INPP5A: variants seen among roughly 807,000 people sequenced by gnomAD.
INPP5A encodes the protein 43 kDa inositol polyphosphate 5-phophatase.
Under a neutral mutation model 65.2 loss-of-function variants are expected in INPP5A, and 14 were observed. The observed-to-expected ratio is 0.21, with a 90% CI of 0.14 to 0.34. INPP5A has a LOEUF of 0.34. INPP5A is among the 10% of genes least tolerant of loss of function. The pLI is 1.00. For missense variants in INPP5A, 431 were observed against 545.6 expected (o/e 0.79, Z 2.09); for synonymous variants, 207 against 208.3 (o/e 0.99, Z 0.05).
intron 2 of INPP5A, among the ~76,000 whole-genome samples, chr10:132,609,963 T>G (rs190503429): frequency 2.0e-5 from 3 of 152,142 alleles, no homozygotes. Flanking sequence ...TTTTTCTTGG[T>G]TTATTTTATT....
intron 2 of INPP5A, among the ~76,000 whole-genome samples, chr10:132,620,755 G>T (rs1419648135): frequency 6.6e-6 from 1 of 151,976 alleles, no homozygotes; most frequent in African/African-American, 2.4e-5. Flanking sequence ...AACCCTCCCA[G>T]CCCAGATGGC....
chr10:132,586,375 G>C (rs1429360121), intron 1 of INPP5A, among the ~76,000 whole-genome samples: 1 of 152,248 alleles, frequency 6.6e-6, no homozygotes, highest in African/African-American at 2.4e-5. Flanking sequence ...TGGACCATGG[G>C]CGGGGCTGCC....
intron 6 of INPP5A, among the ~76,000 whole-genome samples, chr10:132,699,826 A>C (rs1312112853): frequency 6.6e-6 from 1 of 152,080 alleles, no homozygotes; most frequent in Non-Finnish European, 1.5e-5. Context: ...TCCTTCTTGC[A>C]CCCATGCCTC....
chr10:132,552,431 T>G (rs1423822280), intron 1 of INPP5A, among the ~76,000 whole-genome samples: 2 of 134,856 alleles, frequency 1.5e-5, no homozygotes, highest in Admixed American at 7.1e-5. Context: ...AGAGCCTTGG[T>G]GGCATATTGA....
chr10:132,761,457 A>T (rs977110535), intron 11 of INPP5A, among the ~76,000 whole-genome samples: 2 of 152,002 alleles, frequency 1.3e-5, no homozygotes, highest in African/African-American at 4.8e-5. Context: ...GGCAGGGGAC[A>T]GCATGGTGGG....
At chr10:132,688,641 ATGAG>A (rs575667121) in intron 4 of INPP5A, among the ~76,000 whole-genome samples, 15 of 149,932 alleles carry the variant, frequency 1.0e-4, no homozygotes, top group Non-Finnish European at 2.1e-4. Flanking sequence ...GTGCGTGTGC[ATGAG>A]TGTGTGTGCA....
chr10:132,564,194 CG>C lies in INPP5A; in HGVS notation c.75+26024del, dbSNP rs111551325. 3.0e-3 allele frequency among the ~76,000 whole-genome samples: 456 copies of C among 152,140 alleles called. 1 individual carries two copies. The highest frequency in any genetic ancestry group is 0.011 in the African/African-American group (443 of 41,500). On this transcript the variant is annotated intron_variant, in intron 1 of 15. Coordinates refer to ENST00000368594, the MANE Select transcript of INPP5A (RefSeq NM_005539.5). ...CTTGTTTGGGGAAATGTGGCGTGCG[CG>C]TTGTGGGTATGGCCACCGCCATCAG...
In INPP5A at chr10:132,645,853, C is replaced by T; in HGVS notation, c.118-15C>T. 1 of 1,600,614 alleles carries T rather than the reference C, an allele frequency of 6.2e-7. No individual in the cohort carries two copies. Among genetic ancestry groups the T allele is most frequent in the Non-Finnish European group, 8.5e-7 (1 of 1,169,908 alleles). ...CGGCTCCGACGACCCTGACAGTGTG[C>T]TTCTCTCCCTCCAGGTCGTGCACAC... On this transcript the variant is annotated splice_polypyrimidine_tract_variant and intron_variant, in intron 2 of 15. Transcript: ENST00000368594.
At chr10:132,553,869 G>A (rs1165162079) in intron 1 of INPP5A, among the ~76,000 whole-genome samples, 1 of 146,822 alleles carries the variant, frequency 6.8e-6, no homozygotes, top group African/African-American at 2.5e-5. Context: ...GAGCCTTGGT[G>A]GCATATTGGG....
chr10:132,717,352 G>C lies in INPP5A; in HGVS notation c.647+6896G>C, dbSNP rs1022085833. Among the ~76,000 whole-genome samples, 9 of 150,164 alleles carry C rather than the reference G, an allele frequency of 6.0e-5. 1 individual carries two copies. The highest frequency in any genetic ancestry group is 2.0e-4 in the African/African-American group (8 of 39,518). On this transcript the variant is annotated intron_variant, in intron 8 of 15. Transcript: ENST00000368594. ...CAGGGGGCCTTTGGGTGCGGCACTG[G>C]GGATCAGCGGGTTGGTCAAGGAGCT... is the stretch of plus-strand genomic sequence containing the variant.
chr10:132,674,892 G>A lies in INPP5A; in HGVS notation c.307-15500G>A, dbSNP rs753353443. ...TCACTCCAAAATCCTAGAGGCCTCC[G>A]CTGTGATTCACCTATGGGGACCTGC... On this transcript the variant is annotated intron_variant, in intron 4 of 15. Coordinates refer to ENST00000368594, the MANE Select transcript of INPP5A (RefSeq NM_005539.5). This position sits in a 1 kb window ranked among gnomAD's most constrained non-coding sequence, Gnocchi z 4.4. Among the ~76,000 whole-genome samples the A allele has an allele frequency of 2.6e-5, 4 of 152,276 alleles. No individual in the cohort carries two copies. The highest frequency in any genetic ancestry group is 4.8e-5 in the African/African-American group (2 of 41,558).
intron 13 of INPP5A, 132 bp downstream of exon 13, chr10:132,777,914 A>T: frequency 6.6e-7 from 1 of 1,504,090 alleles, no homozygotes; most frequent in Non-Finnish European, 8.9e-7. Flanking sequence ...TTGGGCCCTG[A>T]CCTCGTGCTG....
chr10:132,628,737 C>T (rs1437070778), intron 2 of INPP5A, among the ~76,000 whole-genome samples: 1 of 152,100 alleles, frequency 6.6e-6, no homozygotes, highest in Non-Finnish European at 1.5e-5. Context: ...TGAAAGAGAA[C>T]ATGTAAAATT....
Position 132,606,323 on chromosome 10 carries a change from C to T in INPP5A, c.76-1592C>T, listed in dbSNP as rs140294669. On this transcript the variant is annotated intron_variant, in intron 1 of 15. Coordinates refer to ENST00000368594, the MANE Select transcript of INPP5A (RefSeq NM_005539.5). Reference sequence around the variant, plus strand: ...GCGGCGTGGGTCAGTCGCCTCCCCTCCTGCCGGGTCCTCAGTGGCGGGACA... The same window carrying T: ...GCGGCGTGGGTCAGTCGCCTCCCCTTCTGCCGGGTCCTCAGTGGCGGGACA... Among the ~76,000 whole-genome samples, 1,138 of 147,140 alleles carry T rather than the reference C, an allele frequency of 7.7e-3. 15 individuals are homozygous for T. Among genetic ancestry groups the T allele is most frequent in the African/African-American group, 0.026 (1,047 of 40,900 alleles).
At chr10:132,695,249 T>C (rs1845327533) in intron 5 of INPP5A, among the ~76,000 whole-genome samples, 1 of 152,032 alleles carries the variant, frequency 6.6e-6, no homozygotes, top group Non-Finnish European at 1.5e-5. Flanking sequence ...GAAAATCACA[T>C]GATCATAGGA....
rs549478185 is a variant in INPP5A, at chr10:132,703,517, A to T, written c.475-4796A>T. 2.8e-3 allele frequency among the ~76,000 whole-genome samples: 381 copies of T among 134,836 alleles called. 2 individuals carry two copies. Among genetic ancestry groups the T allele is most frequent in the African/African-American group, 0.011 (370 of 35,200 alleles). The allele number at this position is 134,836 out of a possible 152,430, so 88.5% of individuals were successfully genotyped here. A position where few individuals can be genotyped will look rare whatever the true frequency, so the allele number is the denominator to read the frequency against. ...ACAGTGTCTTCACCCACACACACAC[A>T]CACACACTCACATTTACCCATACAC... On this transcript the variant is annotated intron_variant, in intron 6 of 15. Transcript: ENST00000368594.
chr10:132,769,026 A>T (rs1209975054), intron 12 of INPP5A, among the ~76,000 whole-genome samples: 2 of 152,186 alleles, frequency 1.3e-5, no homozygotes, highest in Non-Finnish European at 2.9e-5. Flanking sequence ...CAGCATTCCT[A>T]GCGCAGAGCT....
rs1397381046 is a variant in INPP5A, at chr10:132,590,753, C to T, written c.76-17162C>T. Among the ~76,000 whole-genome samples the T allele has an allele frequency of 4.6e-5, 7 of 152,216 alleles. No individual in the cohort carries two copies. In the East Asian group the frequency reaches 5.8e-4, roughly 13 times the overall value. ...CGTGAGTGTTTGAGTCTTTTCATCTCGGCCCCTGCTTTGCTCTTTCTGGCA... is the reference window on the plus strand; with the variant it reads ...CGTGAGTGTTTGAGTCTTTTCATCTTGGCCCCTGCTTTGCTCTTTCTGGCA... On this transcript the variant is annotated intron_variant, in intron 1 of 15. Transcript: ENST00000368594.
At chr10:132,749,461 C>G in intron 9 of INPP5A, 56 bp from the exon 10 acceptor site, 1 of 1,497,290 alleles carries the variant, frequency 6.7e-7, no homozygotes, top group Non-Finnish European at 9.3e-7. Context: ...TCGGGTGACG[C>G]TGCCATGGGC....
Sources: allele counts gnomAD v4.1 joint callset (sites outside exome capture counted in the v4.1 genomes callset), GRCh38; gene constraint gnomAD v4.1.1; non-coding constraint Gnocchi (gnomAD v3.1); transcripts MANE v1.5; gene names NCBI Gene and HGNC (gene_info 2026-07-23, HGNC 2026-07-21).